The following CLEC2D variants were observed in gnomAD, a reference collection of about 807,000 sequenced individuals.
CLEC2D encodes the protein C-type lectin domain family 2 member D.
Under a neutral mutation model 20.0 loss-of-function variants are expected in CLEC2D, and 16 were observed. The observed-to-expected ratio is 0.80, with a 90% CI of 0.54 to 1.22. CLEC2D has a LOEUF of 1.22. Ranked by LOEUF, CLEC2D falls within the 50% of genes most tolerant of loss-of-function variation. The pLI is 0.00. For synonymous variants in CLEC2D, 77 were observed against 71.1 expected (o/e 1.08, Z -0.42); for missense variants, 207 against 221.5 (o/e 0.93, Z 0.42).
chr12:9,693,194 C>T, intron 4 of CLEC2D: 2 of 1,025,150 alleles, frequency 2.0e-6, no homozygotes, highest in East Asian at 4.8e-5. Flanking sequence ...GCAAACCATA[C>T]AATATCTTTA....
At chr12:9,687,806 CAGG>C in intron 2 of CLEC2D, 93 bp from the exon 3 acceptor site, 1 of 658,456 alleles carries the variant, frequency 1.5e-6, no homozygotes, top group Non-Finnish European at 2.3e-6. Flanking sequence ...TAATACTTAA[CAGG>C]AGTGTCAGAA....
chr12:9,686,740 C>G (rs1865756396), intron 2 of CLEC2D, among the ~76,000 whole-genome samples: 1 of 152,166 alleles, frequency 6.6e-6, no homozygotes, highest in Non-Finnish European at 1.5e-5. Flanking sequence ...GACATTCATT[C>G]ATCTCGATCC....
chr12:9,688,234 T>C (rs1417906725), intron 3 of CLEC2D, 148 bp downstream of exon 3: 18 of 1,258,520 alleles, frequency 1.4e-5, no homozygotes, highest in Non-Finnish European at 1.1e-5. Context: ...AAGAGTAACC[T>C]AGCATGTATT....
chr12:9,677,531 C>G (rs1295224713), intron 1 of CLEC2D, among the ~76,000 whole-genome samples: 1 of 151,952 alleles, frequency 6.6e-6, no homozygotes, highest in African/African-American at 2.4e-5. Flanking sequence ...TATGTTTTGG[C>G]CCAGAAGGTG....
chr12:9,670,996 T>G (rs1865407154), intron 1 of CLEC2D, among the ~76,000 whole-genome samples: 1 of 152,190 alleles, frequency 6.6e-6, no homozygotes, highest in African/African-American at 2.4e-5. Context: ...TTTCTTCCTC[T>G]TCACCATCTG....
intron 3 of CLEC2D, 121 bp from the exon 4 acceptor site, chr12:9,692,707 A>T (rs1865893853): frequency 4.8e-6 from 3 of 629,550 alleles, no homozygotes; most frequent in Non-Finnish European, 8.4e-6. Context: ...GTATTACTAA[A>T]CAATACAAAA....
chr12:9,687,920 A>C lies in CLEC2D; in HGVS notation c.191A>C (p.His64Pro). 6.3e-7 allele frequency: 1 copy of C among 1,593,996 alleles called. No homozygotes were observed. Among genetic ancestry groups the C allele is most frequent in the Non-Finnish European group, 8.6e-7 (1 of 1,169,572 alleles). The change falls in exon 3 of 5, where the codon CAT becomes CCT. Residue 64 changes from histidine to proline, a missense_variant. His to Pro is a moderately conservative substitution (Grantham distance 77, BLOSUM62 -2). Coordinates refer to ENST00000290855, the MANE Select transcript of CLEC2D (RefSeq NM_013269.6). ...TTTTCAGCAATAAGAGCTAACTGCC[A>C]TCAAGAGCCATCAGTATGTCTTCAA... Reference protein sequence around the residue: ...AALSAIRANCHQEPSVCLQAA... With the variant: ...AALSAIRANCPQEPSVCLQAA...
intron 3 of CLEC2D, among the ~76,000 whole-genome samples, chr12:9,690,036 C>G (rs111250198): frequency 6.6e-6 from 1 of 150,562 alleles, no homozygotes; most frequent in African/African-American, 2.4e-5. Flanking sequence ...AAAGGGTAAA[C>G]TTAAAGAGAT....
intron 1 of CLEC2D, chr12:9,673,929 C>G (rs1380393500): frequency 3.9e-5 from 6 of 152,288 alleles, no homozygotes; most frequent in African/African-American, 1.5e-4. Context: ...GTGGTCACCC[C>G]TCCCCCCAGG....
chr12:9,687,307 C>T (rs1865770458), intron 2 of CLEC2D, among the ~76,000 whole-genome samples: 1 of 152,228 alleles, frequency 6.6e-6, no homozygotes, highest in Admixed American at 6.5e-5. Context: ...CTAGATTCCT[C>T]ACATGAGAAG....
chr12:9,695,421 G>A lies in CLEC2D; in HGVS notation c.*547G>A. The A allele has an allele frequency of 6.7e-7, 1 of 1,488,964 alleles. No homozygotes were observed. Among genetic ancestry groups the A allele is most frequent in the Non-Finnish European group, 9.2e-7 (1 of 1,083,486 alleles). The allele number at this position is 1,488,964 out of a possible 1,614,324, so 92.2% of individuals were successfully genotyped here. A position where few individuals can be genotyped will look rare whatever the true frequency, so the allele number is the denominator to read the frequency against. ...ATGGACATGGACATGAGCCCCCTGA[G>A]GCCCCAGAACTATCTTTTCAGTTGT... On this transcript the variant is annotated 3_prime_UTR_variant, in exon 5 of 5. Coordinates refer to ENST00000290855, the MANE Select transcript of CLEC2D (RefSeq NM_013269.6).
intron 2 of CLEC2D, among the ~76,000 whole-genome samples, chr12:9,686,746 G>A (rs192968072): frequency 6.6e-6 from 1 of 152,118 alleles, no homozygotes; most frequent in African/African-American, 2.4e-5. Flanking sequence ...CATTCATCTC[G>A]ATCCCACATG....
chr12:9,683,883 A>G lies in CLEC2D; in HGVS notation c.172+2850A>G, dbSNP rs1372065985. ...TCTTTTTTGGTTCCATATGAAATTT[A>G]AAGTTTTTTTTTTTTTAATTCTGTG... On this transcript the variant is annotated intron_variant, in intron 2 of 4. Transcript: ENST00000290855. Among the ~76,000 whole-genome samples, 22 of 125,540 alleles carry G rather than the reference A, an allele frequency of 1.8e-4. 1 individual carries two copies. The highest frequency in any genetic ancestry group is 3.0e-4 in the Non-Finnish European group (16 of 53,812). The allele number at this position is 125,540 out of a possible 152,430, so 82.4% of individuals were successfully genotyped here. A position where few individuals can be genotyped will look rare whatever the true frequency, so the allele number is the denominator to read the frequency against.
Position 9,695,088 on chromosome 12 carries a change from AC to A in CLEC2D, c.*217del. 3.5e-6 allele frequency: 2 copies of A among 578,110 alleles called. No homozygotes were observed. Among genetic ancestry groups the A allele is most frequent in the Non-Finnish European group, 6.2e-6 (2 of 324,532 alleles). The allele number at this position is 578,110 out of a possible 1,614,324, so 35.8% of individuals were successfully genotyped here. On this transcript the variant is annotated 3_prime_UTR_variant, in exon 5 of 5. Coordinates refer to ENST00000290855, the MANE Select transcript of CLEC2D (RefSeq NM_013269.6). ...CCTGTTCTCCCACTGCTAATGACATACCCGAGACTGAGTAATTTATAAATAA... is the reference window on the plus strand; with the variant it reads ...CCTGTTCTCCCACTGCTAATGACATACCGAGACTGAGTAATTTATAAATAA...
At chr12:9,675,049 G>A (rs980788417) in intron 1 of CLEC2D, among the ~76,000 whole-genome samples, 7 of 152,102 alleles carry the variant, frequency 4.6e-5, no homozygotes, top group African/African-American at 9.7e-5. Context: ...ATTCAGCATC[G>A]TTAGTTGAAA....
Position 9,699,546 on chromosome 12 carries a change from A to G in CLEC2D, c.*4672A>G, listed in dbSNP as rs1866077942. ...GAATAAACACTTTGAAAGGCAGTGA[A>G]CTGTAAATATATTACAGCTATCTCT... is the stretch of plus-strand genomic sequence containing the variant. On this transcript the variant is annotated 3_prime_UTR_variant, in exon 5 of 5. Coordinates refer to ENST00000290855, the MANE Select transcript of CLEC2D (RefSeq NM_013269.6). The G allele has an allele frequency of 1.3e-5, 2 of 152,188 alleles. No homozygotes were observed. Among genetic ancestry groups the G allele is most frequent in the Non-Finnish European group, 2.9e-5 (2 of 68,024 alleles). The allele number at this position is 152,188 out of a possible 1,614,324, so 9.4% of individuals were successfully genotyped here. A position where few individuals can be genotyped will look rare whatever the true frequency, so the allele number is the denominator to read the frequency against.
intron 3 of CLEC2D, among the ~76,000 whole-genome samples, chr12:9,692,603 C>G (rs1865892063): frequency 6.6e-6 from 1 of 152,134 alleles, no homozygotes; most frequent in Non-Finnish European, 1.5e-5. Context: ...GAGTACAATA[C>G]AGAAACAAAA....
rs1441039445 is a variant in CLEC2D, at chr12:9,698,495, C to G, written c.*3621C>G. On this transcript the variant is annotated 3_prime_UTR_variant, in exon 5 of 5. Transcript: ENST00000290855. ...CAGAAGAATAAAATTGGACCCTTAC[C>G]TCCTACCATATATAAAAACCAACTG... 6.6e-6 allele frequency: 1 copy of G among 152,048 alleles called. No homozygotes were observed. Among genetic ancestry groups the G allele is most frequent in the Non-Finnish European group, 1.5e-5 (1 of 68,008 alleles). The allele number at this position is 152,048 out of a possible 1,614,324, so 9.4% of individuals were successfully genotyped here. A position where few individuals can be genotyped will look rare whatever the true frequency, so the allele number is the denominator to read the frequency against.
intron 2 of CLEC2D, among the ~76,000 whole-genome samples, chr12:9,681,262 G>T (rs995064750): frequency 3.3e-5 from 5 of 152,168 alleles, no homozygotes; most frequent in Admixed American, 3.3e-4. Context: ...GTAGAAGACA[G>T]ACCACTATTC....
Sources: gnomAD v4.1 joint callset for allele counts (sites outside exome capture counted in the v4.1 genomes callset) on GRCh38, gnomAD v4.1.1 for gene constraint, MANE v1.5 for transcripts, NCBI Gene and HGNC (gene_info 2026-07-23, HGNC 2026-07-21) for gene names.